Variants in ERI3 observed in about 807,000 individuals in gnomAD.
The protein encoded by ERI3 is ERI1 exoribonuclease family member 3.
In ERI3, 18 loss-of-function variants were observed where a neutral mutation model predicts 44.4. That is an observed-to-expected ratio of 0.41 (90% CI 0.28 to 0.60). The LOEUF (loss-of-function observed/expected upper bound fraction) is 0.60. Among genes scored for constraint, ERI3 ranks in the 20% least tolerant of loss-of-function variants. The pLI is 0.36. For missense variants in ERI3, 294 were observed against 435.5 expected (o/e 0.68, Z 2.89); for synonymous variants, 183 against 164.8 (o/e 1.11, Z -0.84).
At chr1:44,281,648 G>GAT (rs1162393992) in intron 7 of ERI3, among the ~76,000 whole-genome samples, 9 of 145,934 alleles carry the variant, frequency 6.2e-5, no homozygotes, top group Non-Finnish European at 1.2e-4. Context: ...TCGATGAAGA[G>GAT]ATATATATAT....
chr1:44,223,562 T>A (rs931365203), intron 8 of ERI3, among the ~76,000 whole-genome samples: 2 of 152,172 alleles, frequency 1.3e-5, no homozygotes, highest in Non-Finnish European at 2.9e-5. Context: ...CCCCTCGTTA[T>A]CTGCAATTAC....
chr1:44,227,774 G>C (rs938374117), intron 8 of ERI3, among the ~76,000 whole-genome samples: 3 of 151,966 alleles, frequency 2.0e-5, no homozygotes, highest in African/African-American at 7.3e-5. Flanking sequence ...CCTGCTTCTG[G>C]GTTTGAATCC....
intron 2 of ERI3, among the ~76,000 whole-genome samples, chr1:44,344,231 CTCAA>C: frequency 9.4e-6 from 1 of 106,128 alleles, no homozygotes; most frequent in East Asian, 2.8e-4. Flanking sequence ...GAGACTCCAT[CTCAA>C]TAAATAAATA....
intron 8 of ERI3, among the ~76,000 whole-genome samples, chr1:44,238,404 A>T (rs1164892200): frequency 6.6e-6 from 1 of 152,122 alleles, no homozygotes; most frequent in African/African-American, 2.4e-5. Context: ...GTGTCAGCGC[A>T]GGGCTAGATC....
At chr1:44,304,992 C>G (rs373931281) in intron 6 of ERI3, among the ~76,000 whole-genome samples, 4 of 152,220 alleles carry the variant, frequency 2.6e-5, no homozygotes, top group African/African-American at 4.8e-5. Flanking sequence ...TCTCACCAGA[C>G]TCTGAGCAGG....
chr1:44,310,959 G>GCA (rs1250226332), intron 5 of ERI3, among the ~76,000 whole-genome samples: 43 of 81,286 alleles, frequency 5.3e-4, no homozygotes, highest in East Asian at 2.0e-3. Context: ...CATCGCGCGC[G>GCA]CGCGCACACA....
chr1:44,235,908 AG>A lies in ERI3; in HGVS notation c.931+12030del, dbSNP rs1644293120. On this transcript the variant is annotated intron_variant, in intron 8 of 8. Transcript: ENST00000372257. The surrounding 1 kb of genome is among the most constrained non-coding windows in gnomAD (Gnocchi z 4.6). ...CTAGCTATGCCTAGGGACTCTGGGA[AG>A]GGGGGATGCCCTCCCTAAGCCGTGT... 1.3e-5 allele frequency among the ~76,000 whole-genome samples: 2 copies of A among 152,188 alleles called. No homozygotes were observed. Among genetic ancestry groups the A allele is most frequent in the Non-Finnish European group, 2.9e-5 (2 of 68,016 alleles).
At chr1:44,331,567 T>C (rs987370217) in intron 3 of ERI3, among the ~76,000 whole-genome samples, 9 of 152,294 alleles carry the variant, frequency 5.9e-5, no homozygotes, top group South Asian at 2.1e-4. Context: ...CTTCCACTTA[T>C]AGCATCACAA....
At chr1:44,306,934 C>T (rs1052261435) in intron 6 of ERI3, among the ~76,000 whole-genome samples, 7 of 152,308 alleles carry the variant, frequency 4.6e-5, no homozygotes, top group Middle Eastern at 3.4e-3. Flanking sequence ...CACATTAAGT[C>T]CCTTCCTCAC....
upstream of ERI3, chr1:44,355,279 G>A: frequency 8.8e-7 from 1 of 1,133,346 alleles, no homozygotes; most frequent in Non-Finnish European, 1.1e-6. Flanking sequence ...CTCTGACCCC[G>A]ACCGACGCGG....
At chr1:44,262,619 G>T (rs1413710927) in intron 7 of ERI3, among the ~76,000 whole-genome samples, 1 of 152,226 alleles carries the variant, frequency 6.6e-6, no homozygotes, top group African/African-American at 2.4e-5. Flanking sequence ...CAGGCGCAGG[G>T]TCAGTGGGGA....
rs1285167146 is a variant in ERI3 at position 44,228,177 on chromosome 1, C to T, written c.932-6537G>A. 6.6e-6 allele frequency among the ~76,000 whole-genome samples: 1 copy of T among 151,962 alleles called. No homozygotes were observed. Among genetic ancestry groups the T allele is most frequent in the Non-Finnish European group, 1.5e-5 (1 of 67,986 alleles). ...TGGCTCCCATAGCTTCCTACCCCTC[C>T]CCCAGACAGGATCCTTACAGCCTCC... On this transcript the variant is annotated intron_variant, in intron 8 of 8. Transcript: ENST00000372257. The surrounding 1 kb of genome is among the most constrained non-coding windows in gnomAD (Gnocchi z 4.3).
At chr1:44,354,641 CTCTCTAGTCAAACCTTTTTCT>C (rs1646961009) in intron 1 of ERI3, 6 of 985,338 alleles carry the variant, frequency 6.1e-6, no homozygotes, top group Non-Finnish European at 6.0e-6. Context: ...CATTTCTAGC[CTCTCTAGTCAAACCTTTTTCT>C]TCTCTAGTAA....
rs183730238 is a variant in ERI3 at position 44,254,249 on chromosome 1, T to G, written c.832-6211A>C. On this transcript the variant is annotated intron_variant, in intron 7 of 8. Coordinates refer to ENST00000372257, the MANE Select transcript of ERI3 (RefSeq NM_024066.3). The stretch of plus-strand genomic sequence containing the variant: ...TCTCCTCTACCTATTTCAGTCATCT[T>G]TCCCCAGAGCCACCCCCTGAGCCTT... 1.6e-4 allele frequency among the ~76,000 whole-genome samples: 25 copies of G among 152,298 alleles called. No homozygotes were observed. In the East Asian group the frequency reaches 4.6e-3, roughly 28 times the overall value.
intron 3 of ERI3, among the ~76,000 whole-genome samples, chr1:44,337,415 A>T (rs1226715416): frequency 6.6e-6 from 1 of 152,214 alleles, no homozygotes; most frequent in Non-Finnish European, 1.5e-5. Flanking sequence ...TAATAACCAA[A>T]ATTCCCAGCA....
At position 44,339,273 on chromosome 1, in the gene ERI3, T is replaced by C; in HGVS notation, c.261A>G (p.Ala87=). 6.2e-7 allele frequency: 1 copy of C among 1,609,832 alleles called. No individual in the cohort carries two copies. The highest frequency in any genetic ancestry group is 8.5e-7 in the Non-Finnish European group (1 of 1,179,518). The change falls in exon 3 of 9, where the codon GCA becomes GCG. Residue 87 remains alanine (A), a synonymous_variant. Coordinates refer to ENST00000372257, the MANE Select transcript of ERI3 (RefSeq NM_024066.3). Reference sequence around the variant, plus strand: ...AAAGTAAATACGAAGAAAATCGAGCTGCTCCAGTCTGTAAAGGTGCTAGCA... The same window carrying C: ...AAAGTAAATACGAAGAAAATCGAGCCGCTCCAGTCTGTAAAGGTGCTAGCA... ...CSMLAPLQTG[A]ARFSSYLLSR...
intron 8 of ERI3, among the ~76,000 whole-genome samples, chr1:44,247,682 T>C (rs1644583431): frequency 6.6e-6 from 1 of 152,104 alleles, no homozygotes. Flanking sequence ...GACCTTGGCC[T>C]GAGTCCAAGG....
At chr1:44,315,182 G>A (rs1425880174) in intron 4 of ERI3, among the ~76,000 whole-genome samples, 1 of 152,196 alleles carries the variant, frequency 6.6e-6, no homozygotes, top group Admixed American at 6.5e-5. Flanking sequence ...TGTTAGTCTT[G>A]TGTCTGGTCT....
Position 44,241,243 on chromosome 1 carries a change from G to T in ERI3, c.931+6696C>A, listed in dbSNP as rs1179102522. 6.6e-6 allele frequency among the ~76,000 whole-genome samples: 1 copy of T among 152,224 alleles called. No individual in the cohort carries two copies. Among genetic ancestry groups the T allele is most frequent in the East Asian group, 1.9e-4 (1 of 5,178 alleles). ...CAAACTACAGATATTGTGTTTTCAG[G>T]GAGTGAAGGTGGGGAGAGGGGATAA... On this transcript the variant is annotated intron_variant, in intron 8 of 8. Coordinates refer to ENST00000372257, the MANE Select transcript of ERI3 (RefSeq NM_024066.3). This position sits in a 1 kb window ranked among gnomAD's most constrained non-coding sequence, Gnocchi z 5.6.
Sources: allele counts gnomAD v4.1 joint callset (sites outside exome capture counted in the v4.1 genomes callset), GRCh38; gene constraint gnomAD v4.1.1; non-coding constraint Gnocchi (gnomAD v3.1); transcripts MANE v1.5; gene names NCBI Gene and HGNC (gene_info 2026-07-23, HGNC 2026-07-21).